The following NDC1 variants were observed in gnomAD, a reference collection of about 807,000 sequenced individuals.
NDC1 encodes the protein nucleoporin NDC1.
NDC1 carries 24 observed loss-of-function variants against 89.8 expected under a neutral mutation model. The ratio of observed to expected loss-of-function variants is 0.27; its 90% CI spans 0.19 to 0.38. The LOEUF is 0.38. Ranked by LOEUF, NDC1 falls within the 10% of genes least tolerant of loss-of-function variation. The pLI is 1.00. For missense variants in NDC1, 728 were observed against 797.6 expected (o/e 0.91, Z 1.05); for synonymous variants, 296 against 284.8 (o/e 1.04, Z -0.39).
intron 8 of NDC1, 94 bp from the exon 9 acceptor site, chr1:53,806,611 G>T: frequency 1.5e-6 from 1 of 682,092 alleles, no homozygotes; most frequent in Non-Finnish European, 2.2e-6. Flanking sequence ...GACAGCACAA[G>T]CAAACTGACA....
intron 4 of NDC1, among the ~76,000 whole-genome samples, chr1:53,827,283 A>C (rs1020122497): frequency 4.6e-5 from 7 of 151,632 alleles, no homozygotes; most frequent in Non-Finnish European, 1.0e-4. Context: ...AAAAAAAAAA[A>C]AAAACAAGGT....
At chr1:53,797,770 A>G (rs1647769049) in intron 11 of NDC1, among the ~76,000 whole-genome samples, 1 of 152,098 alleles carries the variant, frequency 6.6e-6, no homozygotes, top group African/African-American at 2.4e-5. Context: ...GCTAGGACAC[A>G]GGCACATACT....
intron 6 of NDC1, among the ~76,000 whole-genome samples, chr1:53,811,386 G>A (rs1648300626): frequency 6.6e-6 from 1 of 152,170 alleles, no homozygotes; most frequent in African/African-American, 2.4e-5. Flanking sequence ...AAGTTTTCAA[G>A]CCCATCTGGC....
chr1:53,808,633 A>T (rs1484282969), intron 7 of NDC1, among the ~76,000 whole-genome samples: 1 of 152,232 alleles, frequency 6.6e-6, no homozygotes, highest in Non-Finnish European at 1.5e-5. Context: ...ACAGATTATC[A>T]GGCACTCAGC....
chr1:53,794,756 T>C (rs1647639111), intron 13 of NDC1, among the ~76,000 whole-genome samples: 1 of 151,986 alleles, frequency 6.6e-6, no homozygotes, highest in Admixed American at 6.6e-5. Context: ...GCACCTGTAG[T>C]CCCAGCTACT....
intron 17 of NDC1, among the ~76,000 whole-genome samples, 186 bp from the exon 18 acceptor site, chr1:53,768,219 A>C (rs1007556995): frequency 6.6e-6 from 1 of 152,230 alleles, no homozygotes; most frequent in African/African-American, 2.4e-5. Flanking sequence ...GCTTGCATTC[A>C]GTAATGGCAT....
intron 14 of NDC1, among the ~76,000 whole-genome samples, chr1:53,790,393 T>C (rs1438417737): frequency 7.6e-6 from 1 of 131,770 alleles, no homozygotes; most frequent in East Asian, 2.3e-4. Context: ...AAAACCAAAA[T>C]AAATAAAATA....
chr1:53,778,260 T>C (rs796186944), intron 16 of NDC1, among the ~76,000 whole-genome samples: 4,864 of 144,750 alleles, frequency 0.034, 86 homozygotes, highest in Non-Finnish European at 0.051. Context: ...TGTGTGTATA[T>C]ACACACACAC....
At chr1:53,835,468 A>G (rs200400282) in intron 2 of NDC1, 32 bp downstream of exon 2, 8 of 1,582,610 alleles carry the variant, frequency 5.1e-6, no homozygotes, top group South Asian at 2.3e-5. Flanking sequence ...AGTAGGTCCT[A>G]TAACTTTCTC....
rs1432140338 is a variant in NDC1, at chr1:53,789,200, C to A, written c.1636-4G>T. 1 of 1,593,444 alleles carries A rather than the reference C, an allele frequency of 6.3e-7. No homozygotes were observed. The highest frequency in any genetic ancestry group is 1.7e-5 in the Admixed American group (1 of 57,226). On this transcript the variant is annotated splice_region_variant and splice_polypyrimidine_tract_variant and intron_variant, in intron 14 of 17. Transcript: ENST00000371429. ...CCTGAATGGAGGCCTCTGGGTGCTA[C>A]AAATAAAAACAAAAACATTCAAGTG...
chr1:53,798,566 T>G (rs979175993), intron 11 of NDC1, among the ~76,000 whole-genome samples: 10 of 150,778 alleles, frequency 6.6e-5, no homozygotes, highest in Admixed American at 2.6e-4. Context: ...TTTTTTTTTT[T>G]CTCCTTAAGA....
At chr1:53,782,354 A>T (rs1210230711) in intron 16 of NDC1, among the ~76,000 whole-genome samples, 1 of 152,232 alleles carries the variant, frequency 6.6e-6, no homozygotes, top group African/African-American at 2.4e-5. Flanking sequence ...GGCAGGAAGG[A>T]TCAGCAAGAG....
chr1:53,827,557 GTT>G, intron 4 of NDC1, among the ~76,000 whole-genome samples: 1 of 152,328 alleles, frequency 6.6e-6, no homozygotes, highest in East Asian at 1.9e-4. Flanking sequence ...TAAAAAGGCA[GTT>G]ATAATTTTTA....
chr1:53,820,478 T>C (rs1241725234), intron 5 of NDC1, among the ~76,000 whole-genome samples: 1 of 151,938 alleles, frequency 6.6e-6, no homozygotes, highest in East Asian at 1.9e-4. Flanking sequence ...ATGGCACATG[T>C]ATACATACGT....
At chr1:53,806,017 T>C (rs955911363) in intron 9 of NDC1, among the ~76,000 whole-genome samples, 3 of 151,816 alleles carry the variant, frequency 2.0e-5, no homozygotes, top group African/African-American at 7.3e-5. Context: ...GAGCTTGCAG[T>C]GAGCCGAGAT....
chr1:53,791,210 G>A (rs959205215), intron 14 of NDC1, among the ~76,000 whole-genome samples: 1 of 152,124 alleles, frequency 6.6e-6, no homozygotes, highest in African/African-American at 2.4e-5. Context: ...ACGCGGTCAG[G>A]AGATCGAGAC....
rs1400424007 is a variant in NDC1, at chr1:53,772,397, T to C, written c.1893A>G (p.Arg631=). The C allele has an allele frequency of 5.0e-6, 8 of 1,613,778 alleles. No individual in the cohort carries two copies. Among genetic ancestry groups the C allele is most frequent in the African/African-American group, 2.7e-5 (2 of 74,898 alleles). The stretch of plus-strand genomic sequence containing the variant: ...TTTTCAGTGATGCTCTGAATGCAAA[T>C]CTTAATGTTTTATATGAAGTGTCCA... ...SLVDTSYKTL[R]FAFRASLKTA... The change falls in exon 17 of 18, where the codon AGA becomes AGG. Residue 631 remains arginine, a synonymous_variant. Transcript: ENST00000371429.
intron 16 of NDC1, among the ~76,000 whole-genome samples, chr1:53,779,285 A>G (rs1470450511): frequency 1.3e-5 from 2 of 152,112 alleles, no homozygotes; most frequent in Non-Finnish European, 2.9e-5. Flanking sequence ...GCTAGCTACC[A>G]TTATCATCAC....
chr1:53,834,135 A>G (rs887968374), intron 2 of NDC1, among the ~76,000 whole-genome samples: 1 of 152,250 alleles, frequency 6.6e-6, no homozygotes, highest in Non-Finnish European at 1.5e-5. Context: ...ATTAAACCCA[A>G]GCTTCTGATG....
Sources: allele counts gnomAD v4.1 joint callset (sites outside exome capture counted in the v4.1 genomes callset), GRCh38; gene constraint gnomAD v4.1.1; transcripts MANE v1.5; gene names NCBI Gene and HGNC (gene_info 2026-07-23, HGNC 2026-07-21).